OVCH2: variants seen among roughly 807,000 people sequenced by gnomAD.
OVCH2 encodes ovochymase 2.
Under a neutral mutation model 73.7 loss-of-function variants are expected in OVCH2, and 88 were observed. That is an observed-to-expected ratio of 1.19 (90% CI 1.01 to 1.43). The LOEUF (loss-of-function observed/expected upper bound fraction) is 1.43, where lower values mean the gene tolerates loss of function less well. Ranked by LOEUF, OVCH2 falls within the 40% of genes most tolerant of loss-of-function variation. The pLI is 0.00. For missense variants in OVCH2, 706 were observed against 674.5 expected (o/e 1.05, Z -0.52); for synonymous variants, 265 against 234.5 (o/e 1.13, Z -1.19).
At position 7,702,265 on chromosome 11, in the gene OVCH2, C is replaced by G; in HGVS notation, c.355G>C (p.Glu119Gln). The change falls in exon 4 of 16, where the codon GAG becomes CAG. Residue 119 changes from glutamate to glutamine, a missense_variant. Coordinates refer to ENST00000533663, the MANE Select transcript of OVCH2 (RefSeq NM_198185.7). Reference sequence around the variant, plus strand: ...ACAGTTTCAATAGTGAGAGTTTGCTCTCCTGGGTCTGTCTGGCTTAAGTCA... The same window carrying G: ...ACAGTTTCAATAGTGAGAGTTTGCTGTCCTGGGTCTGTCTGGCTTAAGTCA... Reference protein sequence around the residue: ...EYDLSQTDPGEQTLTIETVII... With the variant: ...EYDLSQTDPGQQTLTIETVII... 1 of 1,612,612 alleles carries G rather than the reference C, an allele frequency of 6.2e-7. No individual in the cohort carries two copies. Among genetic ancestry groups the G allele is most frequent in the East Asian group, 2.2e-5 (1 of 44,838 alleles).
At chr11:7,692,940 G>A (rs1206345912) in intron 12 of OVCH2, among the ~76,000 whole-genome samples, 1 of 152,178 alleles carries the variant, frequency 6.6e-6, no homozygotes, top group Non-Finnish European at 1.5e-5. Context: ...ACTTGGCAGT[G>A]AATATCTTTA....
In OVCH2 at chr11:7,704,557, A is replaced by G; in HGVS notation, c.198+8T>C. On this transcript the variant is annotated splice_region_variant and intron_variant, in intron 2 of 15. Transcript: ENST00000533663. ...AGTTCTTGATGCATAGAAGTCCTTG[A>G]GACTCACCTGCCAGGGATAGGAACC... 1.9e-6 allele frequency: 3 copies of G among 1,577,430 alleles called. No individual in the cohort carries two copies. Among genetic ancestry groups the G allele is most frequent in the Non-Finnish European group, 2.6e-6 (3 of 1,148,800 alleles).
chr11:7,701,331 G>A lies in OVCH2; in HGVS notation c.704C>T (p.Ala235Val). 6.2e-7 allele frequency: 1 copy of A among 1,611,686 alleles called. No homozygotes were observed. The highest frequency in any genetic ancestry group is 8.5e-7 in the Non-Finnish European group (1 of 1,179,242). The change falls in exon 6 of 16, where the codon GCA becomes GTA. Residue 235 changes from alanine to valine, a missense_variant. By Grantham distance (64) the Ala-to-Val change is moderately conservative. Transcript: ENST00000533663. ...CTGFPDGGRD[A>V]CQGDSGGSLM... ...CCCGCAGCTCCCACCCACCTGACAT[G>A]CGTCTCTCCCTCCATCAGGAAAACC...
At chr11:7,683,748 G>A in the OVCH2 span, among the ~76,000 whole-genome samples, 634 of 152,212 alleles carry the variant, frequency 4.2e-3, 3 homozygotes, top group African/African-American at 0.014. Context: ...GCTGGCTTTC[G>A]TATATATCAG....
chr11:7,702,243 G>A lies in OVCH2; in HGVS notation c.377C>T (p.Thr126Ile), dbSNP rs1324354636. 1 of 1,612,864 alleles carries A rather than the reference G, an allele frequency of 6.2e-7. No individual in the cohort carries two copies. Among genetic ancestry groups the A allele is most frequent in the Non-Finnish European group, 8.5e-7 (1 of 1,179,210 alleles). ...DPGEQTLTIE[T>I]VIIHPHFSTK... ...GGAGAAATGTGGATGTATGATGACA[G>A]TTTCAATAGTGAGAGTTTGCTCTCC... The change falls in exon 4 of 16, where the codon ACT becomes ATT. Residue 126 changes from threonine (T) to isoleucine (I), a missense_variant. By Grantham distance (89) the Thr-to-Ile change is moderately conservative (BLOSUM62 -1). Transcript: ENST00000533663.
rs577670695 is a variant in OVCH2 at position 7,694,799 on chromosome 11, G to A, written c.1413+259C>T. On this transcript the variant is annotated intron_variant, in intron 12 of 15. Transcript: ENST00000533663. Reference sequence around the variant, plus strand: ...GCTAATTCAATACAAAGATTAAAGCGGCACTTTTTTTTTTTTTTTTTTTTT... The same window carrying A: ...GCTAATTCAATACAAAGATTAAAGCAGCACTTTTTTTTTTTTTTTTTTTTT... 2.0e-4 allele frequency among the ~76,000 whole-genome samples: 25 copies of A among 122,548 alleles called. No individual in the cohort carries two copies. The South Asian group carries it at 5.9e-3, about 29-fold the overall frequency. The allele number at this position is 122,548 out of a possible 152,430, so 80.4% of individuals were successfully genotyped here.
chr11:7,700,568 G>T lies in OVCH2; in HGVS notation c.712-83C>A. ...TCACTGTTTCCTCACAAGGATGCTGGAGGAGGATCAATGACATCTCCTCAC... is the reference window on the plus strand; with the variant it reads ...TCACTGTTTCCTCACAAGGATGCTGTAGGAGGATCAATGACATCTCCTCAC... On this transcript the variant is annotated intron_variant, in intron 6 of 15. Transcript: ENST00000533663. 3 of 1,435,758 alleles carry T rather than the reference G, an allele frequency of 2.1e-6. No homozygotes were observed. In the South Asian group the frequency reaches 4.1e-5, roughly 19 times the overall value. 88.9% of individuals were successfully genotyped at this position (1,435,758 alleles called of 1,614,324 possible).
the OVCH2 span, among the ~76,000 whole-genome samples, chr11:7,679,329 A>G: frequency 6.6e-6 from 1 of 152,188 alleles, no homozygotes; most frequent in Non-Finnish European, 1.5e-5. Flanking sequence ...TAGCCTCCTG[A>G]TGGGTGCTGG....
chr11:7,697,435 C>T (rs1589877408), intron 8 of OVCH2, among the ~76,000 whole-genome samples: 1 of 152,096 alleles, frequency 6.6e-6, no homozygotes, highest in Non-Finnish European at 1.5e-5. Context: ...CTCTATGATC[C>T]CTTGGACCAG....
Position 7,706,402 on chromosome 11 carries a change from C to T in OVCH2, c.-8G>A, listed in dbSNP as rs1227335223. ...GTTCCTGCTTATAAGCATTTTGAGA[C>T]TCATAGTTTTTCCCTGAAATTTTAG... On this transcript the variant is annotated 5_prime_UTR_variant, in exon 1 of 16. Transcript: ENST00000533663. 6.4e-7 allele frequency: 1 copy of T among 1,561,162 alleles called. No homozygotes were observed. The highest frequency in any genetic ancestry group is 1.4e-5 in the African/African-American group (1 of 73,890).
intron 5 of OVCH2, 99 bp downstream of exon 5, chr11:7,701,617 C>T (rs1323536238): frequency 2.8e-6 from 4 of 1,407,564 alleles, no homozygotes; most frequent in Non-Finnish European, 3.8e-6. Flanking sequence ...GAAATGTATG[C>T]ACAATCGATT....
chr11:7,696,374 A>G, intron 10 of OVCH2, 91 bp downstream of exon 10: 2 of 1,524,160 alleles, frequency 1.3e-6, no homozygotes, highest in Admixed American at 1.8e-5. Context: ...TGTGGCATTT[A>G]CAGATGGCTG....
At chr11:7,697,424 T>C (rs1856358329) in intron 8 of OVCH2, among the ~76,000 whole-genome samples, 1 of 152,204 alleles carries the variant, frequency 6.6e-6, no homozygotes, top group African/African-American at 2.4e-5. Flanking sequence ...ATCTGCTCTG[T>C]CTCTATGATC....
rs200564715 is a variant in OVCH2, at chr11:7,702,234, A to G, written c.386T>C (p.Ile129Thr). The G allele has an allele frequency of 1.9e-6, 3 of 1,613,164 alleles. No homozygotes were observed. Among genetic ancestry groups the G allele is most frequent in the African/African-American group, 1.3e-5 (1 of 75,046 alleles). ...TTTCTTGGTGGAGAAATGTGGATGT[A>G]TGATGACAGTTTCAATAGTGAGAGT... ...EQTLTIETVI[I>T]HPHFSTKKPM... is the part of the protein sequence containing the mutation. The change falls in exon 4 of 16, where the codon ATA becomes ACA. Residue 129 changes from isoleucine (I) to threonine (T), a missense_variant. Physicochemically the swap from Ile to Thr is moderately conservative, Grantham distance 89. Transcript: ENST00000533663.
chr11:7,700,109 G>A (rs1043320090), intron 7 of OVCH2, 187 bp downstream of exon 7: 15 of 594,686 alleles, frequency 2.5e-5, no homozygotes, highest in East Asian at 8.4e-5. Context: ...TCTGCATGCT[G>A]CTCCACATAC....
the OVCH2 span, among the ~76,000 whole-genome samples, chr11:7,682,415 G>A: frequency 6.6e-6 from 1 of 152,208 alleles, no homozygotes; most frequent in Non-Finnish European, 1.5e-5. Flanking sequence ...TTTTCAGCTG[G>A]TAAAGCTGAG....
At position 7,700,446 on chromosome 11, in the gene OVCH2, C is replaced by T; in HGVS notation, c.751G>A (p.Gly251Arg). The change falls in exon 7 of 16, where the codon GGG becomes AGG. Residue 251 changes from glycine (G) to arginine (R), a missense_variant. Physicochemically the swap from Gly to Arg is moderately radical, Grantham distance 125. Transcript: ENST00000533663. ...GGSLMCRNKK[G>R]AWTLAGVTSW... ...GTCACACCAGCCAGAGTCCAGGCCCCTTTCTTATTCCGGCACATGAGTGAA... is the reference window on the plus strand; with the variant it reads ...GTCACACCAGCCAGAGTCCAGGCCCTTTTCTTATTCCGGCACATGAGTGAA... 3 of 1,610,790 alleles carry T rather than the reference C, an allele frequency of 1.9e-6. No individual in the cohort carries two copies. Among genetic ancestry groups the T allele is most frequent in the Non-Finnish European group, 2.5e-6 (3 of 1,178,510 alleles).
At chr11:7,680,927 C>A in the OVCH2 span, among the ~76,000 whole-genome samples, 1 of 152,146 alleles carries the variant, frequency 6.6e-6, no homozygotes, top group African/African-American at 2.4e-5. Context: ...AAGGGAGGAG[C>A]CCCCTGTTCT....
chr11:7,679,049 A>G, the OVCH2 span, among the ~76,000 whole-genome samples: 1 of 152,180 alleles, frequency 6.6e-6, no homozygotes, highest in African/African-American at 2.4e-5. Context: ...TTTCCATTTT[A>G]TCCTCTATAT....
Sources: gnomAD v4.1 joint callset for allele counts (sites outside exome capture counted in the v4.1 genomes callset) on GRCh38, gnomAD v4.1.1 for gene constraint, MANE v1.5 for transcripts, NCBI Gene and HGNC (gene_info 2026-07-23, HGNC 2026-07-21) for gene names.